CHCHD3: variants seen among roughly 807,000 people sequenced by gnomAD.
The protein encoded by CHCHD3 is coiled-coil-helix-coiled-coil-helix domain containing 3.
In CHCHD3, 20 loss-of-function variants were observed where a neutral mutation model predicts 38.2. The ratio of observed to expected loss-of-function variants is 0.52; its 90% CI spans 0.37 to 0.76. CHCHD3 has a LOEUF of 0.76. Ranked by LOEUF, CHCHD3 falls within the 30% of genes least tolerant of loss-of-function variation. The pLI is 0.00. For missense variants in CHCHD3, 245 were observed against 279.2 expected, an observed-to-expected ratio of 0.88 and a Z score of 0.87; for synonymous variants, 82 against 100.0, an observed-to-expected ratio of 0.82 and a Z score of 1.07.
intron 4 of CHCHD3, among the ~76,000 whole-genome samples, chr7:132,891,541 AG>A (rs1809359975): frequency 6.6e-6 from 1 of 152,232 alleles, no homozygotes; most frequent in South Asian, 2.1e-4. Context: ...AGATCAAGGC[AG>A]CTGGTTTTGG....
intron 2 of CHCHD3, 81 bp from the exon 3 acceptor site, chr7:133,024,708 G>T: frequency 9.6e-7 from 1 of 1,042,548 alleles, no homozygotes; most frequent in Non-Finnish European, 1.5e-6. Flanking sequence ...GGAAAGCCCG[G>T]CTGAGACTAG....
intron 5 of CHCHD3, among the ~76,000 whole-genome samples, chr7:132,859,158 G>A (rs1021304644): frequency 1.1e-4 from 16 of 152,262 alleles, no homozygotes; most frequent in African/African-American, 3.9e-4. Context: ...CTTTGTGTAG[G>A]AGGTGGCATT....
chr7:132,947,197 T>A, intron 4 of CHCHD3, among the ~76,000 whole-genome samples: 1 of 152,000 alleles, frequency 6.6e-6, no homozygotes, highest in East Asian at 1.9e-4. Flanking sequence ...TTAAATTTAT[T>A]ATTATCATAG....
intron 5 of CHCHD3, among the ~76,000 whole-genome samples, chr7:132,845,336 G>A (rs1808051335): frequency 1.3e-5 from 2 of 152,146 alleles, no homozygotes; most frequent in Non-Finnish European, 2.9e-5. Context: ...ATAGTGTGGG[G>A]TGGGGTGGTT....
chr7:132,886,623 T>A (rs1286553745), intron 4 of CHCHD3, among the ~76,000 whole-genome samples: 1 of 151,240 alleles, frequency 6.6e-6, no homozygotes, highest in South Asian at 2.1e-4. Context: ...TATAAGAAAG[T>A]GTGTGTGTGT....
At chr7:132,964,877 G>A (rs1483446385) in intron 4 of CHCHD3, among the ~76,000 whole-genome samples, 1 of 152,164 alleles carries the variant, frequency 6.6e-6, no homozygotes, top group Non-Finnish European at 1.5e-5. Flanking sequence ...ATGCAAAATG[G>A]TTTCTATGGA....
Position 132,957,102 on chromosome 7 carries a change from A to C in CHCHD3, c.369+18067T>G, listed in dbSNP as rs116314449. ...AGCAATCCTGAGAGCCTCTCTGAAA[A>C]CCACCACAAAGACTGAAATATACCC... On this transcript the variant is annotated intron_variant, in intron 4 of 7. Coordinates refer to ENST00000262570, the MANE Select transcript of CHCHD3 (RefSeq NM_017812.4). Among the ~76,000 whole-genome samples the C allele has an allele frequency of 2.0e-3, 310 of 152,226 alleles. 2 individuals carry two copies. The highest frequency in any genetic ancestry group is 7.2e-3 in the African/African-American group (300 of 41,548).
chr7:133,014,341 A>AC (rs1812964225), intron 3 of CHCHD3, among the ~76,000 whole-genome samples: 1 of 152,076 alleles, frequency 6.6e-6, no homozygotes, highest in Non-Finnish European at 1.5e-5. Context: ...AAAAAAAAAA[A>AC]AAAACCTTTC....
chr7:133,040,886 T>C (rs1049049452), intron 2 of CHCHD3, among the ~76,000 whole-genome samples: 5 of 152,192 alleles, frequency 3.3e-5, no homozygotes, highest in African/African-American at 1.2e-4. Context: ...ATTAAAATGC[T>C]TTTTCCATCC....
intron 5 of CHCHD3, among the ~76,000 whole-genome samples, chr7:132,854,320 T>G (rs1808293290): frequency 6.6e-6 from 1 of 152,200 alleles, no homozygotes; most frequent in Non-Finnish European, 1.5e-5. Context: ...ATGATAGGGC[T>G]GCTTAGACTT....
chr7:133,013,206 A>AAAAAAAAAAAAAAAAAAAAAG lies in CHCHD3; in HGVS notation c.251+11339_251+11340insCTTTTTTTTTTTTTTTTTTTT, dbSNP rs35863843. Among the ~76,000 whole-genome samples, 2 of 108,734 alleles carry AAAAAAAAAAAAAAAAAAAAAG rather than the reference A, an allele frequency of 1.8e-5. 1 individual carries two copies. 71.3% of individuals were successfully genotyped at this position (108,734 alleles called of 152,430 possible). ...GCCTCAAAAAAAAAAAAAAAAAAAA[A>AAAAAAAAAAAAAAAAAAAAAG]CATTCAGACAGACATATAATAGGTA... On this transcript the variant is annotated intron_variant, in intron 3 of 7. Coordinates refer to ENST00000262570, the MANE Select transcript of CHCHD3 (RefSeq NM_017812.4).
At chr7:132,829,172 G>A (rs1807577429) in intron 6 of CHCHD3, among the ~76,000 whole-genome samples, 1 of 152,196 alleles carries the variant, frequency 6.6e-6, no homozygotes, top group African/African-American at 2.4e-5. Flanking sequence ...AGTAGTCTCA[G>A]TTAGAAATGT....
intron 6 of CHCHD3, among the ~76,000 whole-genome samples, chr7:132,819,359 C>A (rs1807283877): frequency 6.6e-6 from 1 of 152,270 alleles, no homozygotes; most frequent in South Asian, 2.1e-4. Context: ...GCTTTTAAAT[C>A]CAGAATGTAG....
intron 2 of CHCHD3, among the ~76,000 whole-genome samples, chr7:133,044,798 G>C (rs1441693407): frequency 6.6e-6 from 1 of 152,242 alleles, no homozygotes; most frequent in Non-Finnish European, 1.5e-5. Context: ...GGCAGACTTG[G>C]GAGAGGGAAT....
intron 6 of CHCHD3, among the ~76,000 whole-genome samples, chr7:132,807,606 A>AATATATATATATATATATATATATAT (rs55835343): frequency 9.2e-6 from 1 of 108,926 alleles, no homozygotes; most frequent in Non-Finnish European, 1.9e-5. Flanking sequence ...CATACACATA[A>AATATATATATATATATATATATATAT]ATATATATAT....
At chr7:133,072,292 G>A (rs986130572) in intron 1 of CHCHD3, among the ~76,000 whole-genome samples, 2 of 151,948 alleles carry the variant, frequency 1.3e-5, no homozygotes, top group African/African-American at 4.8e-5. Flanking sequence ...TGGTAATCCA[G>A]GGGAGAACAC....
intron 3 of CHCHD3, among the ~76,000 whole-genome samples, chr7:133,018,123 TA>T (rs1161943190): frequency 3.3e-5 from 5 of 152,102 alleles, no homozygotes; most frequent in South Asian, 2.1e-4. Flanking sequence ...ATATGATTAA[TA>T]AAAAAATAAT....
At chr7:132,924,873 T>A (rs2117244250) in intron 4 of CHCHD3, among the ~76,000 whole-genome samples, 1 of 152,292 alleles carries the variant, frequency 6.6e-6, no homozygotes, top group East Asian at 1.9e-4. Context: ...GAGTGCCACA[T>A]GCCTGGAGAG....
At chr7:132,827,800 TTG>T (rs1807543681) in intron 6 of CHCHD3, among the ~76,000 whole-genome samples, 1 of 152,204 alleles carries the variant, frequency 6.6e-6, no homozygotes, top group African/African-American at 2.4e-5. Context: ...TCTGGCTTCT[TTG>T]TGTGTACCAT....
Sources: gnomAD v4.1 joint callset for allele counts (sites outside exome capture counted in the v4.1 genomes callset) on GRCh38, gnomAD v4.1.1 for gene constraint, MANE v1.5 for transcripts, NCBI Gene and HGNC (gene_info 2026-07-23, HGNC 2026-07-21) for gene names.